Variants in GPCPD1 observed in about 807,000 individuals in gnomAD.
GPCPD1 encodes the protein glycerophosphocholine phosphodiesterase GPCPD1.
A neutral mutation model predicts 89.2 loss-of-function variants in GPCPD1; 29 were observed. That is an observed-to-expected ratio of 0.33 (90% confidence interval 0.24 to 0.44). GPCPD1 has a LOEUF of 0.44. Ranked by LOEUF, GPCPD1 falls within the 20% of genes least tolerant of loss-of-function variation. GPCPD1 has a pLI of 1.00. For missense variants in GPCPD1, 594 were observed against 808.9 expected, an observed-to-expected ratio of 0.73 and a Z score of 3.22; for synonymous variants, 258 against 266.3, an observed-to-expected ratio of 0.97 and a Z score of 0.30.
intron 6 of GPCPD1, among the ~76,000 whole-genome samples, chr20:5,581,426 C>G (rs1978474907): frequency 6.6e-6 from 1 of 152,148 alleles, no homozygotes; most frequent in Non-Finnish European, 1.5e-5. Context: ...AAGATAGCAT[C>G]TAACCTAGCA....
chr20:5,551,029 C>T (rs578081815), intron 19 of GPCPD1, among the ~76,000 whole-genome samples: 20 of 152,298 alleles, frequency 1.3e-4, no homozygotes, highest in African/African-American at 4.6e-4. Flanking sequence ...CCTGAACTGG[C>T]ATATTACTTA....
chr20:5,569,980 CTG>C (rs1290194872), intron 12 of GPCPD1, among the ~76,000 whole-genome samples, 165 bp downstream of exon 12: 1 of 152,146 alleles, frequency 6.6e-6, no homozygotes, highest in African/African-American at 2.4e-5. Context: ...CAACTCATCA[CTG>C]TCTCAATGTT....
intron 8 of GPCPD1, among the ~76,000 whole-genome samples, chr20:5,576,821 T>G (rs1218368969): frequency 6.6e-6 from 1 of 152,116 alleles, no homozygotes; most frequent in African/African-American, 2.4e-5. Context: ...AACAAAACAC[T>G]ATTACAAAAA....
At chr20:5,562,039 A>G (rs1986113702) in intron 15 of GPCPD1, among the ~76,000 whole-genome samples, 1 of 152,236 alleles carries the variant, frequency 6.6e-6, no homozygotes, top group South Asian at 2.1e-4. Flanking sequence ...ATTATGCTAC[A>G]GCTCATAAAT....
rs749913397 is a variant in GPCPD1, at chr20:5,598,791, T to A, written c.80A>T (p.Asp27Val). Residue 27 changes from aspartate (D) to valine (V), a missense_variant, in exon 3 of 20, where the codon GAT (aspartate) becomes GTT (valine). Asp to Val is a radical substitution (Grantham distance 152, BLOSUM62 -3). Coordinates refer to ENST00000379019, the MANE Select transcript of GPCPD1 (RefSeq NM_019593.5). ...GEVFAICGSCDALGNWNPQNA... is the reference protein window; with the variant it reads ...GEVFAICGSCVALGNWNPQNA... Reference sequence around the variant, plus strand: ...TTGAGGATTCCAGTTTCCCAAAGCATCACAGCTTCCACATATCGCAAAAAC... The same window carrying A: ...TTGAGGATTCCAGTTTCCCAAAGCAACACAGCTTCCACATATCGCAAAAAC... 1.9e-6 allele frequency: 3 copies of A among 1,612,812 alleles called. No homozygotes were observed. In the Admixed American group the frequency reaches 5.0e-5, roughly 27 times the overall value.
At chr20:5,562,685 A>T (rs1467305931) in intron 15 of GPCPD1, among the ~76,000 whole-genome samples, 1 of 152,254 alleles carries the variant, frequency 6.6e-6, no homozygotes, top group African/African-American at 2.4e-5. Context: ...AGAATAATAT[A>T]GTGGTAAGAA....
rs11459602 is a variant in GPCPD1, at chr20:5,559,585, ATTTT to A, written c.1532+351_1532+354del. Among the ~76,000 whole-genome samples the A allele has an allele frequency of 2.0e-5, 3 of 151,986 alleles. No homozygotes were observed. In the South Asian group the frequency reaches 6.2e-4, roughly 32 times the overall value. On this transcript the variant is annotated intron_variant, in intron 17 of 19. Coordinates refer to ENST00000379019, the MANE Select transcript of GPCPD1 (RefSeq NM_019593.5). ...AGAGTGAGATCCTGTCTCAAAAACA[ATTTT>A]TTTTAATAAAAGATAAATACAAATT...
At chr20:5,607,276 G>A (rs974244757) in intron 1 of GPCPD1, among the ~76,000 whole-genome samples, 2 of 150,498 alleles carry the variant, frequency 1.3e-5, no homozygotes, top group Non-Finnish European at 3.0e-5. Flanking sequence ...AACACAGCGA[G>A]ACTCTATCTC....
At chr20:5,609,595 T>C (rs1980820122) in intron 1 of GPCPD1, among the ~76,000 whole-genome samples, 1 of 152,226 alleles carries the variant, frequency 6.6e-6, no homozygotes, top group Non-Finnish European at 1.5e-5. Context: ...TACGTAAAGA[T>C]TCGATTCATC....
intron 17 of GPCPD1, among the ~76,000 whole-genome samples, chr20:5,559,068 T>C (rs766901307): frequency 2.2e-4 from 34 of 151,950 alleles, no homozygotes; most frequent in Non-Finnish European, 4.6e-4. Flanking sequence ...CCGAGTATCA[T>C]GCACAGGCTT....
Position 5,545,577 on chromosome 20 carries a change from G to C in GPCPD1, c.*2084C>G, listed in dbSNP as rs986002511. 6.6e-6 allele frequency: 1 copy of C among 152,488 alleles called. No individual in the cohort carries two copies. Among genetic ancestry groups the C allele is most frequent in the African/African-American group, 2.4e-5 (1 of 41,438 alleles). 9.4% of individuals were successfully genotyped at this position (152,488 alleles called of 1,614,324 possible). On this transcript the variant is annotated 3_prime_UTR_variant, in exon 20 of 20. Coordinates refer to ENST00000379019, the MANE Select transcript of GPCPD1 (RefSeq NM_019593.5). ...GAGGACACACGGGCACAGAGAGGAA[G>C]TCCAGGGCCAATGACAGGGACAGGG...
chr20:5,564,441 C>T (rs1986261736), intron 15 of GPCPD1, among the ~76,000 whole-genome samples: 1 of 151,956 alleles, frequency 6.6e-6, no homozygotes, highest in Non-Finnish European at 1.5e-5. Flanking sequence ...CTACTCTTAC[C>T]AAATTACCAT....
chr20:5,565,527 C>A (rs536218778), intron 14 of GPCPD1, among the ~76,000 whole-genome samples: 1 of 152,054 alleles, frequency 6.6e-6, no homozygotes, highest in East Asian at 1.9e-4. Context: ...CCGTGTCCAG[C>A]CCCTATATAT....
In GPCPD1 at chr20:5,583,182, C is replaced by T. The variant is rs569303204; in HGVS notation, c.349+1099G>A. Among the ~76,000 whole-genome samples the T allele has an allele frequency of 3.4e-5, 5 of 146,294 alleles. No individual in the cohort carries two copies. In the East Asian group the frequency reaches 1.0e-3, roughly 30 times the overall value. On this transcript the variant is annotated intron_variant, in intron 6 of 19. Coordinates refer to ENST00000379019, the MANE Select transcript of GPCPD1 (RefSeq NM_019593.5). Reference sequence around the variant, plus strand: ...GAGAGTGCGGTGAGCCAAGGTTGTGCCATCGCACTCCAGCCTGGGCAACAG... The same window carrying T: ...GAGAGTGCGGTGAGCCAAGGTTGTGTCATCGCACTCCAGCCTGGGCAACAG...
rs1031741480 is a variant in GPCPD1, at chr20:5,544,622, G to C, written c.*3039C>G. ...AACAAATGCCAGACTTCGGAAGGCAGCGTAGTTTGAGAACATGGGATTCAG... is the reference window on the plus strand; with the variant it reads ...AACAAATGCCAGACTTCGGAAGGCACCGTAGTTTGAGAACATGGGATTCAG... On this transcript the variant is annotated 3_prime_UTR_variant, in exon 20 of 20. Transcript: ENST00000379019. 26 of 152,240 alleles carry C rather than the reference G, an allele frequency of 1.7e-4. No homozygotes were observed. Among genetic ancestry groups the C allele is most frequent in the African/African-American group, 6.3e-4 (26 of 41,448 alleles). 9.4% of individuals were successfully genotyped at this position (152,240 alleles called of 1,614,324 possible).
Position 5,566,491 on chromosome 20 carries a change from T to A in GPCPD1, c.1267+242A>T, listed in dbSNP as rs186955332. Among the ~76,000 whole-genome samples the A allele has an allele frequency of 3.9e-5, 6 of 152,358 alleles. No individual in the cohort carries two copies. The East Asian group carries it at 1.2e-3, about 29-fold the overall frequency. On this transcript the variant is annotated intron_variant, in intron 14 of 19. Transcript: ENST00000379019. ...AATGGTTAAGAATGTTTGGAAAGATTGATAAGTATTAACACTTTGATCATC... is the reference window on the plus strand; with the variant it reads ...AATGGTTAAGAATGTTTGGAAAGATAGATAAGTATTAACACTTTGATCATC...
chr20:5,602,201 C>T (rs896975366), intron 2 of GPCPD1, among the ~76,000 whole-genome samples: 5 of 152,212 alleles, frequency 3.3e-5, no homozygotes, highest in African/African-American at 7.2e-5. Flanking sequence ...CTCCTTGGCA[C>T]GTACAGAGTC....
At chr20:5,560,172 CCT>C (rs892528563) in intron 16 of GPCPD1, 96 bp from the exon 17 acceptor site, 3 of 759,844 alleles carry the variant, frequency 3.9e-6, no homozygotes, top group Non-Finnish European at 6.2e-6. Flanking sequence ...TGAAAAAACC[CCT>C]GACAGTATCT....
chr20:5,571,344 C>T (rs7271448), intron 11 of GPCPD1, among the ~76,000 whole-genome samples: 159 of 152,302 alleles, frequency 1.0e-3, no homozygotes, highest in African/African-American at 3.6e-3. Flanking sequence ...TAAGTTGTAG[C>T]TTTCTAATTT....
Sources: gnomAD v4.1 joint callset for allele counts (sites outside exome capture counted in the v4.1 genomes callset) on GRCh38, gnomAD v4.1.1 for gene constraint, MANE v1.5 for transcripts, NCBI Gene and HGNC (gene_info 2026-07-23, HGNC 2026-07-21) for gene names.